ARHGAP39: variants seen among roughly 807,000 people sequenced by gnomAD.
The protein encoded by ARHGAP39 is rho GTPase-activating protein 39.
Under a neutral mutation model 106.9 loss-of-function variants are expected in ARHGAP39, and 44 were observed. The ratio of observed to expected loss-of-function variants is 0.41; its 90% CI spans 0.32 to 0.53. The LOEUF is 0.53. Among genes scored for constraint, ARHGAP39 ranks in the 20% least tolerant of loss-of-function variants. The probability of loss-of-function intolerance (pLI) is 0.21; values close to 1 mark genes in which losing one functional copy is unlikely to be tolerated. For synonymous variants in ARHGAP39, 768 were observed against 693.2 expected, an observed-to-expected ratio of 1.11 and a Z score of -1.69; for missense variants, 1,496 against 1,577.3, an observed-to-expected ratio of 0.95 and a Z score of 0.87.
chr8:144,661,645 C>T (rs968109683), intron 1 of ARHGAP39, among the ~76,000 whole-genome samples: 1 of 152,150 alleles, frequency 6.6e-6, no homozygotes, highest in Non-Finnish European at 1.5e-5. Flanking sequence ...CTCAGCCTCC[C>T]ACAATACTGA....
intron 2 of ARHGAP39, among the ~76,000 whole-genome samples, chr8:144,584,858 G>A (rs753900235): frequency 1.3e-5 from 2 of 152,208 alleles, no homozygotes; most frequent in Non-Finnish European, 2.9e-5. Context: ...CTGCCTGAGC[G>A]GTGTCTTAGT....
At position 144,599,083 on chromosome 8, in the gene ARHGAP39, C is replaced by T. The variant is rs562807618; in HGVS notation, c.80+6452G>A. Among the ~76,000 whole-genome samples the T allele has an allele frequency of 2.7e-4, 41 of 152,220 alleles. 1 individual carries two copies. The highest frequency in any genetic ancestry group is 7.2e-4 in the Admixed American group (11 of 15,292). On this transcript the variant is annotated intron_variant, in intron 2 of 11. Coordinates refer to ENST00000377307, the MANE Select transcript of ARHGAP39 (RefSeq NM_025251.3). ...ACATCTGACAGCAGGCAGCTGTTGA[C>T]GGCCCCGATGGCCCGGGGTTGGTGC...
chr8:144,601,213 G>A (rs373271643), intron 2 of ARHGAP39, among the ~76,000 whole-genome samples: 242 of 136,560 alleles, frequency 1.8e-3, no homozygotes, highest in African/African-American at 6.2e-3. Context: ...TGTGCGTGGA[G>A]GTGCGTGTGC....
At chr8:144,573,154 G>A (rs1818644197) in intron 3 of ARHGAP39, among the ~76,000 whole-genome samples, 1 of 152,220 alleles carries the variant, frequency 6.6e-6, no homozygotes, top group South Asian at 2.1e-4. Context: ...ACATGCACAT[G>A]TGTGTTTATT....
At chr8:144,691,870 G>T in the ARHGAP39 span, among the ~76,000 whole-genome samples, 1 of 151,966 alleles carries the variant, frequency 6.6e-6, no homozygotes, top group Admixed American at 6.6e-5. Context: ...GGGTGGCGGG[G>T]AGGGGACAAG....
rs1817394476 is a variant in ARHGAP39, at chr8:144,545,813, GAGA to G, written c.1960-6_1960-4del. The G allele has an allele frequency of 4.6e-6, 7 of 1,530,708 alleles. No homozygotes were observed. The highest frequency in any genetic ancestry group is 5.3e-6 in the Non-Finnish European group (6 of 1,140,952). 94.8% of individuals were successfully genotyped at this position (1,530,708 alleles called of 1,614,324 possible). On this transcript the variant is annotated splice_polypyrimidine_tract_variant and splice_region_variant and intron_variant, in intron 5 of 11. Coordinates refer to ENST00000377307, the MANE Select transcript of ARHGAP39 (RefSeq NM_025251.3). ...GCACAGGCAGCGAGGTCCTCAGACT[GAGA>G]AGGACAAATGCGGCTGGGCTGTTGG...
At chr8:144,680,420 A>G (rs1220327265) in intron 1 of ARHGAP39, among the ~76,000 whole-genome samples, 1 of 152,146 alleles carries the variant, frequency 6.6e-6, no homozygotes, top group African/African-American at 2.4e-5. Flanking sequence ...GTTGAATAAA[A>G]CCTCATTTAC....
intron 1 of ARHGAP39, among the ~76,000 whole-genome samples, chr8:144,658,527 G>A (rs1005515457): frequency 9.2e-5 from 14 of 152,160 alleles, no homozygotes; most frequent in Admixed American, 3.9e-4. Context: ...TGCTCGCCTC[G>A]GCCTCCCAAA....
At chr8:144,675,775 G>A (rs570213950) in intron 1 of ARHGAP39, among the ~76,000 whole-genome samples, 3 of 151,334 alleles carry the variant, frequency 2.0e-5, no homozygotes, top group East Asian at 1.9e-4. Flanking sequence ...TCGTGGTCTC[G>A]CTGGCCTCAG....
At chr8:144,587,747 C>T (rs947727762) in intron 2 of ARHGAP39, among the ~76,000 whole-genome samples, 10 of 151,832 alleles carry the variant, frequency 6.6e-5, no homozygotes, top group African/African-American at 2.4e-4. Context: ...TTCTGCCTCC[C>T]AGGTTCAAGT....
intron 3 of ARHGAP39, among the ~76,000 whole-genome samples, chr8:144,565,641 T>C (rs1286060447): frequency 6.0e-5 from 9 of 149,756 alleles, no homozygotes; most frequent in South Asian, 4.3e-4. Flanking sequence ...TGAGCTGAGA[T>C]TGCACCACTG....
In ARHGAP39 at chr8:144,605,644, G is replaced by A. The variant is rs1451329753; in HGVS notation, c.-30C>T. The A allele has an allele frequency of 6.2e-7, 1 of 1,608,126 alleles. No individual in the cohort carries two copies. Among genetic ancestry groups the A allele is most frequent in the African/African-American group, 1.3e-5 (1 of 74,876 alleles). Reference sequence around the variant, plus strand: ...GTTTGCTTCCGCGCCCACGTGGACAGACGTCAGGGCACCATACGCACAACG... The same window carrying A: ...GTTTGCTTCCGCGCCCACGTGGACAAACGTCAGGGCACCATACGCACAACG... On this transcript the variant is annotated 5_prime_UTR_variant, in exon 2 of 12. Coordinates refer to ENST00000377307, the MANE Select transcript of ARHGAP39 (RefSeq NM_025251.3).
At chr8:144,619,441 A>G (rs971217705) in intron 1 of ARHGAP39, among the ~76,000 whole-genome samples, 8 of 150,176 alleles carry the variant, frequency 5.3e-5, no homozygotes, top group Non-Finnish European at 8.9e-5. Context: ...TCCCTGAGAC[A>G]GCAGGTATGC....
At chr8:144,620,198 CGT>C (rs1258399267) in intron 1 of ARHGAP39, among the ~76,000 whole-genome samples, 3 of 133,522 alleles carry the variant, frequency 2.2e-5, no homozygotes, top group South Asian at 5.2e-4. Context: ...CGTGTGTGCC[CGT>C]GTGTGAGCCT....
intron 1 of ARHGAP39, among the ~76,000 whole-genome samples, chr8:144,667,231 C>T (rs1043295983): frequency 1.3e-5 from 2 of 152,232 alleles, no homozygotes; most frequent in African/African-American, 2.4e-5. Context: ...CTGCTCCCAC[C>T]TCACAGGCTG....
At chr8:144,626,749 C>T (rs1325753056) in intron 1 of ARHGAP39, among the ~76,000 whole-genome samples, 4 of 152,234 alleles carry the variant, frequency 2.6e-5, no homozygotes, top group African/African-American at 9.6e-5. Flanking sequence ...GCCCTCCTAC[C>T]GGGGACACGC....
At chr8:144,620,676 T>G (rs893998558) in intron 1 of ARHGAP39, among the ~76,000 whole-genome samples, 2 of 152,084 alleles carry the variant, frequency 1.3e-5, no homozygotes, top group African/African-American at 4.8e-5. Flanking sequence ...CTTGCAAGAG[T>G]GATGGCTCCA....
At chr8:144,674,710 C>A (rs987915901) in intron 1 of ARHGAP39, among the ~76,000 whole-genome samples, 2 of 152,182 alleles carry the variant, frequency 1.3e-5, no homozygotes, top group Non-Finnish European at 2.9e-5. Context: ...CTGAGGGGCT[C>A]CTGCAGGCCT....
At chr8:144,656,210 A>G (rs1005069028) in intron 1 of ARHGAP39, among the ~76,000 whole-genome samples, 5 of 149,552 alleles carry the variant, frequency 3.3e-5, no homozygotes, top group Non-Finnish European at 7.4e-5. Context: ...AAAAAAAAAA[A>G]GGCCAGGTGT....
Sources: gnomAD v4.1 joint callset for allele counts (sites outside exome capture counted in the v4.1 genomes callset) on GRCh38, gnomAD v4.1.1 for gene constraint, MANE v1.5 for transcripts, NCBI Gene and HGNC (gene_info 2026-07-23, HGNC 2026-07-21) for gene names.